Variants in AGBL1 observed in about 807,000 individuals in gnomAD.
The protein encoded by AGBL1 is AGBL carboxypeptidase 1.
Under a neutral mutation model 118.9 loss-of-function variants are expected in AGBL1, and 130 were observed. The ratio of observed to expected loss-of-function variants is 1.09; its 90% CI spans 0.95 to 1.26. The LOEUF (loss-of-function observed/expected upper bound fraction) is 1.26. Ranked by LOEUF, AGBL1 falls within the 50% of genes most tolerant of loss-of-function variation. The pLI is 0.00. For synonymous variants in AGBL1, 555 were observed against 478.9 expected (o/e 1.16, Z -2.08); for missense variants, 1,584 against 1,298.1 (o/e 1.22, Z -3.38).
intron 18 of AGBL1, among the ~76,000 whole-genome samples, chr15:86,476,454 T>G (rs1382823122): frequency 2.0e-5 from 3 of 152,086 alleles, no homozygotes; most frequent in Non-Finnish European, 4.4e-5. Flanking sequence ...AAACAGACTT[T>G]AAACCAACAA....
At chr15:86,117,778 C>T (rs1334681231) in intron 1 of AGBL1, among the ~76,000 whole-genome samples, 2 of 152,144 alleles carry the variant, frequency 1.3e-5, no homozygotes, top group Non-Finnish European at 2.9e-5. Context: ...AACAACTAAG[C>T]TTAATGTAAT....
intron 22 of AGBL1, among the ~76,000 whole-genome samples, chr15:86,778,382 A>G (rs989042662): frequency 2.0e-5 from 3 of 152,186 alleles, no homozygotes; most frequent in Admixed American, 2.0e-4. Context: ...TTTATTAGGC[A>G]GGAATTTCCT....
chr15:86,279,813 C>T, intron 16 of AGBL1, 30 bp downstream of exon 16: 1 of 1,611,034 alleles, frequency 6.2e-7, no homozygotes, highest in Non-Finnish European at 8.5e-7. Context: ...ATCACTCCAG[C>T]AGGACTGAAG....
chr15:86,154,824 T>G (rs748428063), intron 4 of AGBL1, among the ~76,000 whole-genome samples: 14 of 152,126 alleles, frequency 9.2e-5, no homozygotes, highest in Non-Finnish European at 1.8e-4. Flanking sequence ...AGTTACACAT[T>G]ACAGCATTGT....
chr15:86,857,907 T>C (rs532821810), intron 22 of AGBL1, among the ~76,000 whole-genome samples: 8 of 152,296 alleles, frequency 5.3e-5, no homozygotes, highest in Admixed American at 2.6e-4. Flanking sequence ...CTTTCCCACA[T>C]CCCACAACTG....
intron 22 of AGBL1, among the ~76,000 whole-genome samples, chr15:86,741,545 G>T (rs747446836): frequency 1.3e-5 from 2 of 151,932 alleles, no homozygotes; most frequent in Non-Finnish European, 2.9e-5. Context: ...TGGGGACAAT[G>T]TTGAAGTCTT....
At chr15:86,455,620 G>A (rs1307013101) in intron 18 of AGBL1, among the ~76,000 whole-genome samples, 3 of 152,144 alleles carry the variant, frequency 2.0e-5, no homozygotes. Context: ...ATAAAATTTG[G>A]CTTTCTTTTT....
In AGBL1 at chr15:86,735,655, G is replaced by GATATATATAT. The variant is rs61663652; in HGVS notation, c.3158+61224_3158+61233dup. ...GTGTGTATTTCCTGCTACAAAGAGA[G>GATATATATAT]ATATATATATATATTTTATTTGTCT... On this transcript the variant is annotated intron_variant, in intron 22 of 22. Coordinates refer to ENST00000614907, the MANE Select transcript of AGBL1 (RefSeq NM_001386094.1). 9.5e-5 allele frequency among the ~76,000 whole-genome samples: 14 copies of GATATATATAT among 146,834 alleles called. 1 individual carries two copies. Among genetic ancestry groups the GATATATATAT allele is most frequent in the African/African-American group, 3.6e-4 (14 of 39,152 alleles).
chr15:86,218,629 G>A lies in AGBL1; in HGVS notation c.489-6285G>A, dbSNP rs188442202. On this transcript the variant is annotated intron_variant, in intron 5 of 22. Coordinates refer to ENST00000614907, the MANE Select transcript of AGBL1 (RefSeq NM_001386094.1). ...TGTGTTATAAGAGGTCATTGCATAT[G>A]TACTCTCTATAGAAACTTTCCTCAT... Among the ~76,000 whole-genome samples, 3 of 152,310 alleles carry A rather than the reference G, an allele frequency of 2.0e-5. No individual in the cohort carries two copies. The East Asian group carries it at 5.8e-4, about 29-fold the overall frequency.
chr15:87,019,700 A>G (rs1946623), intron 24 of AGBL1, among the ~76,000 whole-genome samples: 58,384 of 151,856 alleles, frequency 0.38, 11,760 homozygotes, highest in East Asian at 0.51. Context: ...ACCTAACATC[A>G]CAACTAAAAG....
At chr15:86,658,748 G>A (rs2085497456) in intron 21 of AGBL1, among the ~76,000 whole-genome samples, 2 of 152,226 alleles carry the variant, frequency 1.3e-5, no homozygotes, top group South Asian at 4.1e-4. Flanking sequence ...CTGATATTTG[G>A]CCCATAACCC....
At chr15:86,770,366 T>C (rs1160961054) in intron 22 of AGBL1, among the ~76,000 whole-genome samples, 3 of 151,888 alleles carry the variant, frequency 2.0e-5, no homozygotes, top group Non-Finnish European at 2.9e-5. Context: ...GGTTTTTTTA[T>C]CTTCATGACT....
At position 86,124,307 on chromosome 15, in the gene AGBL1, G is replaced by A. The variant is rs531863803; in HGVS notation, c.52-17697G>A. On this transcript the variant is annotated intron_variant, in intron 1 of 22. Coordinates refer to ENST00000614907, the MANE Select transcript of AGBL1 (RefSeq NM_001386094.1). ...ATTGCACCACTGCACTACAGCCTGG[G>A]CACCAGAGTGAGACTCTGTCTCAAA... 2.2e-4 allele frequency among the ~76,000 whole-genome samples: 32 copies of A among 142,354 alleles called. No individual in the cohort carries two copies. In the South Asian group the frequency reaches 5.9e-3, roughly 26 times the overall value. The allele number at this position is 142,354 out of a possible 152,430, so 93.4% of individuals were successfully genotyped here.
At chr15:86,792,639 C>A (rs1357027037) in intron 22 of AGBL1, among the ~76,000 whole-genome samples, 1 of 152,006 alleles carries the variant, frequency 6.6e-6, no homozygotes, top group African/African-American at 2.4e-5. Flanking sequence ...TAAAATAATT[C>A]TTTTAAAATT....
chr15:86,877,041 T>C (rs2079820070), intron 22 of AGBL1, among the ~76,000 whole-genome samples: 1 of 152,204 alleles, frequency 6.6e-6, no homozygotes, highest in African/African-American at 2.4e-5. Context: ...TTCTGCCCAC[T>C]CATCTCACTC....
At chr15:86,885,010 A>T (rs911906536) in intron 22 of AGBL1, among the ~76,000 whole-genome samples, 2 of 152,206 alleles carry the variant, frequency 1.3e-5, no homozygotes, top group African/African-American at 4.8e-5. Context: ...ATGCTACCAG[A>T]TGATGCTGAA....
intron 7 of AGBL1, among the ~76,000 whole-genome samples, chr15:86,253,415 T>C (rs764037210): frequency 1.3e-5 from 2 of 152,090 alleles, no homozygotes; most frequent in Non-Finnish European, 2.9e-5. Flanking sequence ...AATGCCTGGC[T>C]AATTTTTGTA....
chr15:86,964,908 T>C (rs1179223291), intron 23 of AGBL1, among the ~76,000 whole-genome samples: 1 of 152,108 alleles, frequency 6.6e-6, no homozygotes, highest in Non-Finnish European at 1.5e-5. Context: ...CGTGACAGTT[T>C]GTTGAGAATA....
intron 23 of AGBL1, among the ~76,000 whole-genome samples, chr15:86,933,405 C>T (rs1191233234): frequency 6.6e-6 from 1 of 152,106 alleles, no homozygotes; most frequent in African/African-American, 2.4e-5. Flanking sequence ...CAAATGTAGG[C>T]ATAATTTCTA....
Sources: allele counts gnomAD v4.1 joint callset (sites outside exome capture counted in the v4.1 genomes callset), GRCh38; gene constraint gnomAD v4.1.1; transcripts MANE v1.5; gene names NCBI Gene and HGNC (gene_info 2026-07-23, HGNC 2026-07-21).